The following LRRFIP2 variants were observed in gnomAD, a reference collection of about 807,000 sequenced individuals.
LRRFIP2 encodes the protein leucine-rich repeat flightless-interacting protein 2.
Under a neutral mutation model 125.9 loss-of-function variants are expected in LRRFIP2, and 109 were observed. That is an observed-to-expected ratio of 0.87 (90% CI 0.74 to 1.01). The LOEUF (loss-of-function observed/expected upper bound fraction) is 1.01. Among genes scored for constraint, LRRFIP2 ranks in the 50% least tolerant of loss-of-function variants. The pLI, the probability that LRRFIP2 is intolerant of heterozygous loss-of-function variation, is 0.00. For missense variants in LRRFIP2, 850 were observed against 862.3 expected, an observed-to-expected ratio of 0.99 and a Z score of 0.18; for synonymous variants, 291 against 293.1, an observed-to-expected ratio of 0.99 and a Z score of 0.07.
intron 2 of LRRFIP2, among the ~76,000 whole-genome samples, chr3:37,130,002 T>G (rs1157886413): frequency 6.6e-6 from 1 of 152,064 alleles, no homozygotes; most frequent in African/African-American, 2.4e-5. Context: ...CAAAAATAAA[T>G]AAATAAATGT....
At chr3:37,066,122 A>G in intron 22 of LRRFIP2, 102 bp downstream of exon 22, 1 of 1,326,476 alleles carries the variant, frequency 7.5e-7, no homozygotes, top group Admixed American at 1.7e-5. Flanking sequence ...GAGAATAAAC[A>G]CTGTAGTTTG....
At chr3:37,105,569 T>C in intron 13 of LRRFIP2, 46 bp from the exon 14 acceptor site, 1 of 1,406,564 alleles carries the variant, frequency 7.1e-7, no homozygotes. Flanking sequence ...AATTTTGCTA[T>C]GGTGTTACCT....
intron 2 of LRRFIP2, chr3:37,135,102 A>G: frequency 2.3e-6 from 3 of 1,319,204 alleles, no homozygotes; most frequent in South Asian, 2.3e-5. Flanking sequence ...AGAATGCCAT[A>G]TGATGCTACC....
Position 37,075,132 on chromosome 3 carries a change from T to G in LRRFIP2, c.1279-16A>C. The G allele has an allele frequency of 6.4e-7, 1 of 1,558,466 alleles. No individual in the cohort carries two copies. Among genetic ancestry groups the G allele is most frequent in the Non-Finnish European group, 8.8e-7 (1 of 1,134,602 alleles). Reference sequence around the variant, plus strand: ...TTTCTAACTCCTGTTATTAAACAAATAATATCATTTACACAGGTCATGGCA... The same window carrying G: ...TTTCTAACTCCTGTTATTAAACAAAGAATATCATTTACACAGGTCATGGCA... On this transcript the variant is annotated splice_polypyrimidine_tract_variant and intron_variant, in intron 19 of 27. Coordinates refer to ENST00000336686, the MANE Select transcript of LRRFIP2 (RefSeq NM_006309.4).
At chr3:37,121,431 A>G in intron 6 of LRRFIP2, 61 bp downstream of exon 6, 1 of 1,474,884 alleles carries the variant, frequency 6.8e-7, no homozygotes, top group Non-Finnish European at 9.5e-7. Flanking sequence ...TGTTTAGGCA[A>G]CATTATTGAA....
chr3:37,101,939 G>A (rs2094079536), intron 15 of LRRFIP2, among the ~76,000 whole-genome samples: 1 of 152,134 alleles, frequency 6.6e-6, no homozygotes, highest in Non-Finnish European at 1.5e-5. Context: ...TGATGAATGT[G>A]GGAGCAATGG....
chr3:37,054,210 A>G (rs1041445450), intron 27 of LRRFIP2, among the ~76,000 whole-genome samples: 2 of 152,230 alleles, frequency 1.3e-5, no homozygotes, highest in Non-Finnish European at 2.9e-5. Flanking sequence ...AATACAAACT[A>G]TCTTTTTACT....
At chr3:37,162,511 C>T (rs1462522189) in intron 1 of LRRFIP2, among the ~76,000 whole-genome samples, 7 of 152,022 alleles carry the variant, frequency 4.6e-5, no homozygotes, top group Non-Finnish European at 1.0e-4. Flanking sequence ...CAGTCAAATC[C>T]CTCTTTTTCA....
At position 37,117,911 on chromosome 3, in the gene LRRFIP2, T is replaced by C. The variant is rs139465151; in HGVS notation, c.331-2816A>G. On this transcript the variant is annotated intron_variant, in intron 6 of 27. Transcript: ENST00000336686. ...TTATATCCTTTGATGGGTTCTTCAA[T>C]AGAATTAAACAGTGTAATAGTAAAT... Among the ~76,000 whole-genome samples the C allele has an allele frequency of 1.1e-4, 17 of 152,294 alleles. No individual in the cohort carries two copies. In the East Asian group the frequency reaches 2.9e-3, roughly 26 times the overall value.
chr3:37,127,803 C>A, intron 3 of LRRFIP2, 123 bp from the exon 4 acceptor site: 2 of 724,530 alleles, frequency 2.8e-6, no homozygotes, highest in East Asian at 2.7e-5. Flanking sequence ...GTTACACATT[C>A]AAAATACAGA....
At chr3:37,134,478 C>T (rs879000635) in intron 2 of LRRFIP2, among the ~76,000 whole-genome samples, 1 of 152,166 alleles carries the variant, frequency 6.6e-6, no homozygotes, top group Admixed American at 6.5e-5. Flanking sequence ...AAAGCTACAG[C>T]TCTGGTTAGC....
chr3:37,066,490 T>A (rs1331397966), intron 21 of LRRFIP2, 165 bp from the exon 22 acceptor site: 1 of 621,722 alleles, frequency 1.6e-6, no homozygotes, highest in African/African-American at 1.8e-5. Flanking sequence ...AAATACAGAG[T>A]TACATGGATA....
intron 16 of LRRFIP2, 57 bp downstream of exon 16, chr3:37,096,559 T>C: frequency 9.6e-7 from 1 of 1,046,300 alleles, no homozygotes; most frequent in South Asian, 1.4e-5. Context: ...ATGAACAAGT[T>C]ACAGATAGCA....
chr3:37,116,329 G>T (rs2094784446), intron 6 of LRRFIP2, among the ~76,000 whole-genome samples: 1 of 151,622 alleles, frequency 6.6e-6, no homozygotes, highest in African/African-American at 2.4e-5. Flanking sequence ...AGGAGATGGG[G>T]TCTTGCTATG....
At chr3:37,072,031 C>T (rs1251642014) in intron 21 of LRRFIP2, among the ~76,000 whole-genome samples, 1 of 152,166 alleles carries the variant, frequency 6.6e-6, no homozygotes, top group Admixed American at 6.6e-5. Flanking sequence ...ACATTCCTAT[C>T]CATTTCTGTA....
chr3:37,086,925 A>G (rs749802039), intron 18 of LRRFIP2, among the ~76,000 whole-genome samples: 96 of 151,760 alleles, frequency 6.3e-4, no homozygotes, highest in Admixed American at 1.6e-3. Context: ...CTGTGGCACA[A>G]TCTCAGCTAA....
intron 6 of LRRFIP2, among the ~76,000 whole-genome samples, chr3:37,121,078 C>T (rs2095017277): frequency 6.6e-6 from 1 of 152,126 alleles, no homozygotes; most frequent in African/African-American, 2.4e-5. Context: ...TTCAAATTTT[C>T]CACATAATAA....
chr3:37,102,863 T>C, intron 15 of LRRFIP2, 61 bp downstream of exon 15: 1 of 1,052,392 alleles, frequency 9.5e-7, no homozygotes, highest in Non-Finnish European at 1.4e-6. Context: ...ATAGCTAACA[T>C]ATTAGCTGTT....
Position 37,129,142 on chromosome 3 carries a change from G to T in LRRFIP2, c.98C>A (p.Ala33Glu). The change falls in exon 3 of 28, where the codon GCA becomes GAA. Residue 33 changes from alanine (A) to glutamate (E), a missense_variant. By Grantham distance (107) the Ala-to-Glu change is moderately radical. Coordinates refer to ENST00000336686, the MANE Select transcript of LRRFIP2 (RefSeq NM_006309.4). ...ALSNIAREAEARLAAKRAARA... is the reference protein window; with the variant it reads ...ALSNIAREAEERLAAKRAARA... ...GGCAGCCCGTTTTGCTGCCAGCCTT[G>T]CCTCTGCCTGAAAAGTAATATAAAA... 5.6e-6 allele frequency: 9 copies of T among 1,613,538 alleles called. No individual in the cohort carries two copies. Among genetic ancestry groups the T allele is most frequent in the Non-Finnish European group, 7.6e-6 (9 of 1,179,890 alleles).
Sources: gnomAD v4.1 joint callset for allele counts (sites outside exome capture counted in the v4.1 genomes callset) on GRCh38, gnomAD v4.1.1 for gene constraint, MANE v1.5 for transcripts, NCBI Gene and HGNC (gene_info 2026-07-23, HGNC 2026-07-21) for gene names.